The following IGF1R variants were observed in gnomAD, a reference collection of about 807,000 sequenced individuals.
The protein encoded by IGF1R is insulin like growth factor 1 receptor.
Under a neutral mutation model 144.6 loss-of-function variants are expected in IGF1R, and 44 were observed. The ratio of observed to expected loss-of-function variants is 0.30; its 90% CI spans 0.24 to 0.39. The LOEUF (loss-of-function observed/expected upper bound fraction) is 0.39. IGF1R is among the 10% of genes least tolerant of loss of function. The probability of loss-of-function intolerance (pLI) is 1.00; values close to 1 mark genes in which losing one functional copy is unlikely to be tolerated. For missense variants in IGF1R, 1,355 were observed against 1,833.7 expected, an observed-to-expected ratio of 0.74 and a Z score of 4.77; for synonymous variants, 795 against 722.8, an observed-to-expected ratio of 1.10 and a Z score of -1.60.
At chr15:98,865,006 A>AT (rs1596372541) in intron 2 of IGF1R, among the ~76,000 whole-genome samples, 1 of 152,300 alleles carries the variant, frequency 6.6e-6, no homozygotes, top group East Asian at 1.9e-4. Flanking sequence ...GGAGTCTGAA[A>AT]TGTAGCTGTT....
At chr15:98,711,639 CATGTG>C (rs1477285393) in intron 2 of IGF1R, among the ~76,000 whole-genome samples, 1 of 149,490 alleles carries the variant, frequency 6.7e-6, no homozygotes, top group African/African-American at 2.6e-5. Flanking sequence ...CACCCCCTGA[CATGTG>C]GTGTGGTTGA....
Position 98,707,506 on chromosome 15 carries a change from T to C in IGF1R, c.95-56T>C, listed in dbSNP as rs939056067. 3.9e-6 allele frequency: 6 copies of C among 1,529,162 alleles called. No individual in the cohort carries two copies. The highest frequency in any genetic ancestry group is 5.4e-6 in the Non-Finnish European group (6 of 1,111,490). The allele number at this position is 1,529,162 out of a possible 1,614,324, so 94.7% of individuals were successfully genotyped here. A position where few individuals can be genotyped will look rare whatever the true frequency, so the allele number is the denominator to read the frequency against. The stretch of plus-strand genomic sequence containing the variant: ...ACCAACTGTATTATTGTTTGGAAAA[T>C]AGTTTAAAAATTATTTCCTTCTAAC... On this transcript the variant is annotated intron_variant, in intron 1 of 20. Transcript: ENST00000650285. This position sits in a 1 kb window ranked among gnomAD's most constrained non-coding sequence, Gnocchi z 6.7.
At chr15:98,864,155 TG>T (rs964676569) in intron 2 of IGF1R, among the ~76,000 whole-genome samples, 25 of 152,034 alleles carry the variant, frequency 1.6e-4, no homozygotes, top group Admixed American at 1.0e-3. Flanking sequence ...CTTGGGAGGC[TG>T]AGGTGGGAGG....
At chr15:98,844,067 C>T (rs1233858476) in intron 2 of IGF1R, among the ~76,000 whole-genome samples, 1 of 152,126 alleles carries the variant, frequency 6.6e-6, no homozygotes, top group African/African-American at 2.4e-5. Context: ...CTCATTCTGA[C>T]TACAGTAAAT....
chr15:98,952,982 C>G (rs774391649), intron 20 of IGF1R: 3 of 152,114 alleles, frequency 2.0e-5, no homozygotes, highest in Non-Finnish European at 4.4e-5. Context: ...GATGAGCTTA[C>G]CTGAGAAAGG....
chr15:98,837,295 G>A (rs1220485119), intron 2 of IGF1R, among the ~76,000 whole-genome samples: 1 of 152,078 alleles, frequency 6.6e-6, no homozygotes. Flanking sequence ...CTGGAGTGCA[G>A]TGGCGCAATC....
intron 2 of IGF1R, among the ~76,000 whole-genome samples, chr15:98,858,872 G>GA (rs2011984172): frequency 6.6e-6 from 1 of 152,208 alleles, no homozygotes; most frequent in South Asian, 2.1e-4. Flanking sequence ...AGCTATGTTT[G>GA]AAGGAGTCTG....
chr15:98,774,664 A>G (rs1241661815), intron 2 of IGF1R, among the ~76,000 whole-genome samples: 1 of 149,860 alleles, frequency 6.7e-6, no homozygotes, highest in Non-Finnish European at 1.5e-5. Flanking sequence ...TCAGAGACAG[A>G]AAACAGAATG....
intron 1 of IGF1R, among the ~76,000 whole-genome samples, chr15:98,670,440 A>G (rs956915671): frequency 6.6e-6 from 1 of 152,106 alleles, no homozygotes; most frequent in African/African-American, 2.4e-5. Context: ...GCTGGGGGCA[A>G]ATCAGGGATG....
intron 1 of IGF1R, among the ~76,000 whole-genome samples, chr15:98,668,314 A>G (rs1452244570): frequency 3.3e-5 from 5 of 152,176 alleles, no homozygotes; most frequent in South Asian, 2.1e-4. Context: ...GAGGGGACAC[A>G]GTCATGCAGT....
chr15:98,781,663 G>A (rs1322929074), intron 2 of IGF1R, among the ~76,000 whole-genome samples: 1 of 152,062 alleles, frequency 6.6e-6, no homozygotes, highest in Non-Finnish European at 1.5e-5. Context: ...AAACAAGATA[G>A]GGCAAATATG....
In IGF1R at chr15:98,746,059, C is replaced by T. The variant is rs966961606; in HGVS notation, c.640+37952C>T. 2.6e-5 allele frequency among the ~76,000 whole-genome samples: 4 copies of T among 152,278 alleles called. No individual in the cohort carries two copies. In the East Asian group the frequency reaches 7.7e-4, roughly 29 times the overall value. On this transcript the variant is annotated intron_variant, in intron 2 of 20. Transcript: ENST00000650285. ...GCTGCTGAGAGAAACCACAAGTATG[C>T]CCTGCACCCCTGTGAATAGATCTCC...
At chr15:98,821,289 C>T (rs1261684995) in intron 2 of IGF1R, among the ~76,000 whole-genome samples, 1 of 151,932 alleles carries the variant, frequency 6.6e-6, no homozygotes, top group Non-Finnish European at 1.5e-5. Context: ...CGCCTCCCCC[C>T]CCCCTTTTTA....
In IGF1R at chr15:98,803,207, A is replaced by G. The variant is rs140499543; in HGVS notation, c.641-88118A>G. 3.6e-3 allele frequency among the ~76,000 whole-genome samples: 543 copies of G among 152,336 alleles called. 1 individual carries two copies. The highest frequency in any genetic ancestry group is 0.012 in the African/African-American group (513 of 41,568). Reference sequence around the variant, plus strand: ...ACAGCCTACTACACACCTAGGGTCCATGGTATAGCCTGTTGCTCGTAGGCT... The same window carrying G: ...ACAGCCTACTACACACCTAGGGTCCGTGGTATAGCCTGTTGCTCGTAGGCT... On this transcript the variant is annotated intron_variant, in intron 2 of 20. Transcript: ENST00000650285.
rs72476452 is a variant in IGF1R at position 98,768,763 on chromosome 15, CA to C, written c.640+60674del. The stretch of plus-strand genomic sequence containing the variant: ...TGAAACCCCGTCTCTACTAAAAATA[CA>C]AAAAAAAAAAAAAAAAAGCCGGGCG... On this transcript the variant is annotated intron_variant, in intron 2 of 20. Transcript: ENST00000650285. Among the ~76,000 whole-genome samples, 124 of 86,256 alleles carry C rather than the reference CA, an allele frequency of 1.4e-3. No individual in the cohort carries two copies. In the Middle Eastern group the frequency reaches 0.04, roughly 28 times the overall value. 56.6% of individuals were successfully genotyped at this position (86,256 alleles called of 152,430 possible). A position where few individuals can be genotyped will look rare whatever the true frequency, so the allele number is the denominator to read the frequency against.
At position 98,852,649 on chromosome 15, in the gene IGF1R, A is replaced by G. The variant is rs2011585194; in HGVS notation, c.641-38676A>G. On this transcript the variant is annotated intron_variant, in intron 2 of 20. Coordinates refer to ENST00000650285, the MANE Select transcript of IGF1R (RefSeq NM_000875.5). ...GGGTGGAGGAGCCAAAACACATCCC[A>G]GCCCCGGGGCCCCACCGGAGCGAAG... 2.6e-5 allele frequency among the ~76,000 whole-genome samples: 4 copies of G among 152,282 alleles called. No individual in the cohort carries two copies. In the South Asian group the frequency reaches 8.3e-4, roughly 32 times the overall value.
At chr15:98,838,640 A>T (rs2011126738) in intron 2 of IGF1R, among the ~76,000 whole-genome samples, 1 of 152,182 alleles carries the variant, frequency 6.6e-6, no homozygotes, top group Non-Finnish European at 1.5e-5. Context: ...AGGCTGATCT[A>T]ATCAGGGTAT....
chr15:98,832,513 G>T (rs1056435598), intron 2 of IGF1R, among the ~76,000 whole-genome samples: 27 of 152,214 alleles, frequency 1.8e-4, no homozygotes, highest in African/African-American at 6.5e-4. Context: ...CCCGGGTATT[G>T]TATTCCTACT....
intron 2 of IGF1R, among the ~76,000 whole-genome samples, chr15:98,871,358 C>G (rs1490455450): frequency 7.2e-5 from 11 of 152,168 alleles, no homozygotes. Flanking sequence ...TGGTATTTAC[C>G]TCTCACTCAC....
Sources: gnomAD v4.1 joint callset for allele counts (sites outside exome capture counted in the v4.1 genomes callset) on GRCh38, gnomAD v4.1.1 for gene constraint, Gnocchi (gnomAD v3.1) non-coding constraint, MANE v1.5 for transcripts, NCBI Gene and HGNC (gene_info 2026-07-23, HGNC 2026-07-21) for gene names.